STMND1: variants seen among roughly 807,000 people sequenced by gnomAD.
The protein encoded by STMND1 is stathmin domain containing 1.
STMND1 carries 17 observed loss-of-function variants against 23.0 expected under a neutral mutation model. The ratio of observed to expected loss-of-function variants is 0.74; its 90% CI spans 0.51 to 1.11. The LOEUF (loss-of-function observed/expected upper bound fraction) is 1.11. Among genes scored for constraint, STMND1 ranks in the 50% least tolerant of loss-of-function variants. The pLI is 0.00. For synonymous variants in STMND1, 114 were observed against 119.9 expected (o/e 0.95, Z 0.32); for missense variants, 305 against 329.1 (o/e 0.93, Z 0.57).
intron 1 of STMND1, among the ~76,000 whole-genome samples, chr6:17,112,726 G>A (rs538272910): frequency 5.9e-5 from 9 of 152,176 alleles, no homozygotes; most frequent in Middle Eastern, 3.4e-3. Flanking sequence ...GCAGTGAGCC[G>A]AGATTGCGCC....
At chr6:17,115,195 A>C (rs1182654349) in intron 2 of STMND1, 56 bp downstream of exon 2, 1 of 1,464,186 alleles carries the variant, frequency 6.8e-7, no homozygotes, top group South Asian at 1.4e-5. Context: ...GTTTCTCTAA[A>C]TACGTTTACA....
intron 4 of STMND1, among the ~76,000 whole-genome samples, chr6:17,130,245 T>TG (rs774161858): frequency 1.8e-4 from 27 of 152,238 alleles, no homozygotes; most frequent in Admixed American, 3.9e-4. Flanking sequence ...GGCGTTAAAC[T>TG]GAGAGAAGCT....
chr6:17,106,397 T>C (rs1761025605), intron 1 of STMND1, among the ~76,000 whole-genome samples: 1 of 152,246 alleles, frequency 6.6e-6, no homozygotes, highest in African/African-American at 2.4e-5. Context: ...CACTGCCTGA[T>C]ACTGATCAGG....
intron 2 of STMND1, among the ~76,000 whole-genome samples, chr6:17,119,285 A>G (rs912315662): frequency 2.0e-5 from 3 of 152,172 alleles, no homozygotes; most frequent in Admixed American, 6.6e-5. Context: ...TAAATCTCCT[A>G]TACTGGAGAG....
At chr6:17,114,559 C>G (rs9477326) in intron 1 of STMND1, among the ~76,000 whole-genome samples, 3,487 of 152,338 alleles carry the variant, frequency 0.023, 129 homozygotes, top group African/African-American at 0.079. Context: ...AGCCACTGCG[C>G]CCGGCCACAT....
Position 17,102,146 on chromosome 6 carries a change from C to A in STMND1, c.-112C>A, listed in dbSNP as rs1248070569. On this transcript the variant is annotated 5_prime_UTR_variant, in exon 1 of 5. Coordinates refer to ENST00000536551, the MANE Select transcript of STMND1 (RefSeq NM_001190766.2). ...TGGCGCCCGAGCGCAGTAGCAGGGGCGTAGGGCGCAGGGCGCAGGAGCGCG... is the reference window on the plus strand; with the variant it reads ...TGGCGCCCGAGCGCAGTAGCAGGGGAGTAGGGCGCAGGGCGCAGGAGCGCG... 8 of 1,083,170 alleles carry A rather than the reference C, an allele frequency of 7.4e-6. No individual in the cohort carries two copies. In the African/African-American group the frequency reaches 1.0e-4, roughly 14 times the overall value. 67.1% of individuals were successfully genotyped at this position (1,083,170 alleles called of 1,614,324 possible). A position where few individuals can be genotyped will look rare whatever the true frequency, so the allele number is the denominator to read the frequency against.
At chr6:17,113,669 C>G (rs957838754) in intron 1 of STMND1, among the ~76,000 whole-genome samples, 2 of 149,170 alleles carry the variant, frequency 1.3e-5, no homozygotes, top group Non-Finnish European at 3.0e-5. Flanking sequence ...GGTTTCGCCA[C>G]CTTGCCCAGG....
chr6:17,110,742 T>G, intron 1 of STMND1: 1 of 452,976 alleles, frequency 2.2e-6, no homozygotes, highest in South Asian at 1.6e-5. Context: ...CACTCAAGCC[T>G]GGGTGACAGA....
Position 17,131,047 on chromosome 6 carries a change from T to G in STMND1, c.*166T>G. ...CAGGCTGAAGGTTAGTTGAGTAAAT[T>G]AAGTAGCTATGCTAGCTTTTAAAAA... On this transcript the variant is annotated 3_prime_UTR_variant, in exon 5 of 5. Coordinates refer to ENST00000536551, the MANE Select transcript of STMND1 (RefSeq NM_001190766.2). 1.7e-6 allele frequency: 1 copy of G among 590,420 alleles called. No homozygotes were observed. The highest frequency in any genetic ancestry group is 2.9e-5 in the East Asian group (1 of 34,300). The allele number at this position is 590,420 out of a possible 1,614,324, so 36.6% of individuals were successfully genotyped here. A position where few individuals can be genotyped will look rare whatever the true frequency, so the allele number is the denominator to read the frequency against.
chr6:17,127,379 G>A (rs912748100), intron 3 of STMND1, among the ~76,000 whole-genome samples: 30 of 152,150 alleles, frequency 2.0e-4, no homozygotes, highest in African/African-American at 6.7e-4. Context: ...GTGAAACCCC[G>A]TCTCTACTAA....
Position 17,130,758 on chromosome 6 carries a change from A to G in STMND1, c.708A>G (p.Lys236=). The G allele has an allele frequency of 1.3e-6, 2 of 1,536,096 alleles. No homozygotes were observed. Among genetic ancestry groups the G allele is most frequent in the South Asian group, 1.2e-5 (1 of 84,060 alleles). ...GFEPSDLQGG[K]PLKRKKSKCD... ...AACCATCTGACCTGCAGGGAGGAAA[A>G]CCATTGAAGAGGAAGAAGAGTAAAT... The change falls in exon 5 of 5, where the codon AAA becomes AAG. Residue 236 remains lysine (K), a synonymous_variant. Coordinates refer to ENST00000536551, the MANE Select transcript of STMND1 (RefSeq NM_001190766.2).
At chr6:17,113,925 T>G (rs748822624) in intron 1 of STMND1, among the ~76,000 whole-genome samples, 85 of 152,216 alleles carry the variant, frequency 5.6e-4, no homozygotes, top group Non-Finnish European at 1.1e-3. Context: ...AGATGCCTAT[T>G]AGATACTATA....
chr6:17,115,247 T>C (rs17621526), intron 2 of STMND1, 108 bp downstream of exon 2: 343,499 of 1,077,012 alleles, frequency 0.32, 58,097 homozygotes, highest in Non-Finnish European at 0.35. Context: ...TTCTGGGCCA[T>C]GAAGTACATT....
intron 1 of STMND1, among the ~76,000 whole-genome samples, chr6:17,112,488 A>G (rs1452177705): frequency 1.3e-5 from 2 of 151,998 alleles, no homozygotes; most frequent in African/African-American, 4.8e-5. Context: ...TTAGGGGTGA[A>G]ATTTCTGGGC....
At chr6:17,112,088 T>A (rs1020476333) in intron 1 of STMND1, among the ~76,000 whole-genome samples, 1 of 152,208 alleles carries the variant, frequency 6.6e-6, no homozygotes, top group East Asian at 1.9e-4. Context: ...ATTACCACAA[T>A]GTAATTTTAG....
At chr6:17,117,027 C>T (rs1761171251) in intron 2 of STMND1, among the ~76,000 whole-genome samples, 1 of 152,094 alleles carries the variant, frequency 6.6e-6, no homozygotes, top group Non-Finnish European at 1.5e-5. Flanking sequence ...ATACTCTTTG[C>T]ATAATCACTA....
chr6:17,124,803 C>T (rs983758503), intron 3 of STMND1, among the ~76,000 whole-genome samples: 1 of 151,600 alleles, frequency 6.6e-6, no homozygotes, highest in Non-Finnish European at 1.5e-5. Context: ...TTTGAGATCA[C>T]CCTGGGCAAC....
intron 2 of STMND1, among the ~76,000 whole-genome samples, chr6:17,115,597 C>G (rs2113482789): frequency 6.6e-6 from 1 of 152,242 alleles, no homozygotes; most frequent in African/African-American, 2.4e-5. Flanking sequence ...AAGAATCTTT[C>G]AGAAATGTGA....
Position 17,129,257 on chromosome 6 carries a change from A to G in STMND1, c.543+14A>G. The G allele has an allele frequency of 6.5e-7, 1 of 1,535,650 alleles. No homozygotes were observed. Among genetic ancestry groups the G allele is most frequent in the Non-Finnish European group, 8.7e-7 (1 of 1,146,648 alleles). On this transcript the variant is annotated intron_variant, in intron 4 of 4. Coordinates refer to ENST00000536551, the MANE Select transcript of STMND1 (RefSeq NM_001190766.2). ...GAGCGCAGGAAGGTAGTGAGCTCTC[A>G]GATGCTCTAGGCTTGAGGAGTTCGC...
Sources: allele counts gnomAD v4.1 joint callset (sites outside exome capture counted in the v4.1 genomes callset), GRCh38; gene constraint gnomAD v4.1.1; transcripts MANE v1.5; gene names NCBI Gene and HGNC (gene_info 2026-07-23, HGNC 2026-07-21).